ZNF236: variants seen among roughly 807,000 people sequenced by gnomAD.
The protein encoded by ZNF236 is zinc finger protein 236.
ZNF236 carries 50 observed loss-of-function variants against 191.2 expected under a neutral mutation model. The ratio of observed to expected loss-of-function variants is 0.26; its 90% CI spans 0.21 to 0.33. The LOEUF (loss-of-function observed/expected upper bound fraction) is 0.33. ZNF236 is among the 10% of genes least tolerant of loss of function. ZNF236 has a pLI of 1.00. For missense variants in ZNF236, 1,754 were observed against 2,374.5 expected (o/e 0.74, Z 5.43); for synonymous variants, 907 against 928.8 (o/e 0.98, Z 0.43).
chr18:76,940,404 T>C (rs1336635039), intron 26 of ZNF236, among the ~76,000 whole-genome samples: 1 of 152,170 alleles, frequency 6.6e-6, no homozygotes, highest in East Asian at 1.9e-4. Context: ...TAGCATTGCA[T>C]TTGGGAACAC....
chr18:76,882,656 C>T (rs981749038), intron 9 of ZNF236, among the ~76,000 whole-genome samples: 7 of 152,214 alleles, frequency 4.6e-5, no homozygotes, highest in African/African-American at 1.7e-4. Flanking sequence ...TACATTTTCT[C>T]ATGTATAACA....
At chr18:76,822,783 C>A (rs1019138037) in intron 1 of ZNF236, 121 bp downstream of exon 1, 1 of 144,496 alleles carries the variant, frequency 6.9e-6, no homozygotes, top group South Asian at 2.1e-4. Flanking sequence ...GGGGGCCGCG[C>A]AGACCCGGGC....
intron 20 of ZNF236, among the ~76,000 whole-genome samples, chr18:76,921,951 T>G (rs1265505868): frequency 6.6e-6 from 1 of 152,056 alleles, no homozygotes; most frequent in Non-Finnish European, 1.5e-5. Flanking sequence ...TACTGAAGGG[T>G]GTCCTGCTCC....
intron 2 of ZNF236, 92 bp from the exon 3 acceptor site, chr18:76,851,683 C>A: frequency 1.5e-6 from 2 of 1,375,822 alleles, no homozygotes; most frequent in Non-Finnish European, 1.9e-6. Flanking sequence ...ATTGTCTGTA[C>A]ATTATGGTAC....
rs1968868663 is a variant in ZNF236, at chr18:76,969,513, A to C, written c.*1174A>C. 1 of 152,582 alleles carries C rather than the reference A, an allele frequency of 6.6e-6. No individual in the cohort carries two copies. Among genetic ancestry groups the C allele is most frequent in the South Asian group, 2.1e-4 (1 of 4,834 alleles). 9.5% of individuals were successfully genotyped at this position (152,582 alleles called of 1,614,324 possible). ...AAATATAAGTACTAGTCCTAATTGCAGAAAGAGCGTCAGTTTCACCTCCCC... is the reference window on the plus strand; with the variant it reads ...AAATATAAGTACTAGTCCTAATTGCCGAAAGAGCGTCAGTTTCACCTCCCC... On this transcript the variant is annotated 3_prime_UTR_variant, in exon 31 of 31. Transcript: ENST00000320610.
At chr18:76,953,093 A>AT (rs1173517581) in intron 27 of ZNF236, among the ~76,000 whole-genome samples, 1 of 152,194 alleles carries the variant, frequency 6.6e-6, no homozygotes, top group Non-Finnish European at 1.5e-5. Flanking sequence ...ATCTGACAAG[A>AT]TGTGTACTCA....
At chr18:76,961,577 C>A (rs577159350) in intron 30 of ZNF236, among the ~76,000 whole-genome samples, 2 of 151,998 alleles carry the variant, frequency 1.3e-5, no homozygotes, top group African/African-American at 4.8e-5. Flanking sequence ...GTAGAGATAC[C>A]CAGTAGTGGG....
At chr18:76,869,917 C>G (rs1346131588) in intron 4 of ZNF236, among the ~76,000 whole-genome samples, 7 of 152,162 alleles carry the variant, frequency 4.6e-5, no homozygotes, top group Non-Finnish European at 1.5e-5. Context: ...GATCGTGCCA[C>G]TGCACTCCAG....
In ZNF236 at chr18:76,915,813, A is replaced by G. The variant is rs776358067; in HGVS notation, c.3228A>G (p.Gln1076=). ...GTAAAAAGCACATGAAGAGACACCA[A>G]ACAGTCCCCTCTGCTGTGTCAGCCA... The part of the protein sequence containing the change: ...VHCKKHMKRH[Q]TVPSAVSATG... Residue 1076 remains glutamine (Q), a synonymous_variant, in exon 19 of 31, where the codon CAA becomes CAG. Transcript: ENST00000320610. 1.1e-5 allele frequency: 18 copies of G among 1,614,210 alleles called. No individual in the cohort carries two copies. Among genetic ancestry groups the G allele is most frequent in the East Asian group, 1.1e-4 (5 of 44,886 alleles).
chr18:76,864,447 G>A (rs1167385526), intron 3 of ZNF236, among the ~76,000 whole-genome samples: 1 of 151,884 alleles, frequency 6.6e-6, no homozygotes, highest in Non-Finnish European at 1.5e-5. Context: ...TGATCTGCCC[G>A]CCTCGGCCTC....
At chr18:76,916,043 G>C (rs1019195263) in intron 19 of ZNF236, among the ~76,000 whole-genome samples, 184 bp downstream of exon 19, 2 of 152,206 alleles carry the variant, frequency 1.3e-5, no homozygotes, top group African/African-American at 2.4e-5. Flanking sequence ...GAAAAATTCA[G>C]AGGTGCAATG....
rs749856007 is a variant in ZNF236, at chr18:76,895,192, A to G, written c.1597A>G (p.Thr533Ala). The G allele has an allele frequency of 7.5e-6, 12 of 1,603,776 alleles. No individual in the cohort carries two copies. The highest frequency in any genetic ancestry group is 1.0e-5 in the Non-Finnish European group (12 of 1,179,968). ...VKSTLTAHIK[T>A]HTGIKAFKCQ... Reference sequence around the variant, plus strand: ...GAGCACGCTGACAGCGCACATCAAGACGCACACCGGCATCAAGGCGTTCAA... The same window carrying G: ...GAGCACGCTGACAGCGCACATCAAGGCGCACACCGGCATCAAGGCGTTCAA... Residue 533 changes from threonine (T) to alanine (A), a missense_variant, in exon 10 of 31, where the codon ACG becomes GCG. By Grantham distance (58) the Thr-to-Ala change is moderately conservative. Around this residue, in one of 5 missense-constraint regions of ZNF236, gnomAD observed 641 missense variants for 869.6 expected, o/e 0.74. Coordinates refer to ENST00000320610, the MANE Select transcript of ZNF236 (RefSeq NM_001306089.2).
intron 11 of ZNF236, among the ~76,000 whole-genome samples, chr18:76,903,186 A>G (rs1189924396): frequency 3.3e-5 from 5 of 152,252 alleles, no homozygotes; most frequent in African/African-American, 7.2e-5. Context: ...TTGGGCTGTC[A>G]AATTCCCTCC....
In ZNF236 at chr18:76,925,568, C is replaced by T. The variant is rs887387730; in HGVS notation, c.4027+14C>T. The T allele has an allele frequency of 2.0e-5, 32 of 1,607,532 alleles. No individual in the cohort carries two copies. The highest frequency in any genetic ancestry group is 1.5e-4 in the African/African-American group (11 of 74,906). On this transcript the variant is annotated intron_variant, in intron 22 of 30. Transcript: ENST00000320610. The surrounding 1 kb of genome is among the most constrained non-coding windows in gnomAD (Gnocchi z 5.7). ...CCTCTGTGTCAGGTAAACGCTGAGC[C>T]GAGGGAATGAGAGCAGCACAGTGAT...
chr18:76,877,560 G>A (rs1976752471), intron 6 of ZNF236, among the ~76,000 whole-genome samples: 1 of 151,918 alleles, frequency 6.6e-6, no homozygotes, highest in African/African-American at 2.4e-5. Flanking sequence ...TTGATGAAAA[G>A]TTCATATATC....
chr18:76,875,450 A>G lies in ZNF236; in HGVS notation c.668-42A>G. The G allele has an allele frequency of 1.4e-6, 2 of 1,440,250 alleles. No homozygotes were observed. Among genetic ancestry groups the G allele is most frequent in the Middle Eastern group, 1.9e-4 (1 of 5,356 alleles). 89.2% of individuals were successfully genotyped at this position (1,440,250 alleles called of 1,614,324 possible). A position where few individuals can be genotyped will look rare whatever the true frequency, so the allele number is the denominator to read the frequency against. On this transcript the variant is annotated intron_variant, in intron 5 of 30. Transcript: ENST00000320610. The surrounding 1 kb of genome is among the most constrained non-coding windows in gnomAD (Gnocchi z 4.3). ...TCTTTTCAATCCGTAAGATGCCCAT[A>G]CAATATGGAATTATATTTTGATCAT...
At chr18:76,878,477 A>C (rs1050203849) in intron 7 of ZNF236, among the ~76,000 whole-genome samples, 3 of 152,180 alleles carry the variant, frequency 2.0e-5, no homozygotes, top group Non-Finnish European at 4.4e-5. Context: ...CTTTGTAGGT[A>C]ATATTTCTCT....
chr18:76,941,583 C>G (rs960373090), intron 26 of ZNF236, among the ~76,000 whole-genome samples: 1 of 152,154 alleles, frequency 6.6e-6, no homozygotes, highest in Non-Finnish European at 1.5e-5. Context: ...CCCTGCTGCC[C>G]CCCTCAGCCC....
At chr18:76,902,796 G>A (rs1312974971) in intron 11 of ZNF236, among the ~76,000 whole-genome samples, 3 of 147,894 alleles carry the variant, frequency 2.0e-5, no homozygotes, top group Non-Finnish European at 4.6e-5. Flanking sequence ...TCTGCATGTT[G>A]GCCAGGCTGA....
Sources: gnomAD v4.1 joint callset for allele counts (sites outside exome capture counted in the v4.1 genomes callset) on GRCh38, gnomAD v4.1.1 for gene constraint, gnomAD v4.1.1 regional missense constraint, Gnocchi (gnomAD v3.1) non-coding constraint, MANE v1.5 for transcripts, NCBI Gene and HGNC (gene_info 2026-07-23, HGNC 2026-07-21) for gene names.